The following GRID1 variants were observed in gnomAD, a reference collection of about 807,000 sequenced individuals.
GRID1 encodes the protein glutamate ionotropic receptor delta type subunit 1, also known as glutamate receptor ionotropic, delta-1.
A neutral mutation model predicts 98.0 loss-of-function variants in GRID1; 28 were observed. The ratio of observed to expected loss-of-function variants is 0.29; its 90% CI spans 0.21 to 0.39. The LOEUF is 0.39. GRID1 is among the 10% of genes least tolerant of loss of function. The pLI is 1.00. For synonymous variants in GRID1, 553 were observed against 538.5 expected (o/e 1.03, Z -0.37); for missense variants, 1,111 against 1,340.5 (o/e 0.83, Z 2.67).
intron 13 of GRID1, among the ~76,000 whole-genome samples, chr10:85,621,423 G>A (rs537852609): frequency 1.3e-4 from 20 of 152,218 alleles, no homozygotes; most frequent in African/African-American, 1.7e-4. Flanking sequence ...AAAGAGTGTC[G>A]TAGCTACTTA....
chr10:86,232,147 C>G (rs1371557213), intron 2 of GRID1, among the ~76,000 whole-genome samples: 1 of 152,144 alleles, frequency 6.6e-6, no homozygotes, highest in Non-Finnish European at 1.5e-5. Context: ...TCCCTAAGTG[C>G]AATGAGAATA....
chr10:86,339,974 C>T (rs1021587214), intron 2 of GRID1, among the ~76,000 whole-genome samples: 12 of 152,074 alleles, frequency 7.9e-5, no homozygotes, highest in African/African-American at 2.7e-4. Flanking sequence ...ACCAGGAGGA[C>T]GGGAGGGGCG....
At chr10:85,722,799 T>C (rs566149246) in intron 12 of GRID1, among the ~76,000 whole-genome samples, 2 of 152,338 alleles carry the variant, frequency 1.3e-5, no homozygotes, top group East Asian at 3.9e-4. Flanking sequence ...AAATATTATT[T>C]AATGAATTTA....
Position 85,916,269 on chromosome 10 carries a change from A to G in GRID1, c.727-30T>C, listed in dbSNP as rs2131824515. 1.3e-6 allele frequency: 2 copies of G among 1,563,116 alleles called. No individual in the cohort carries two copies. Among genetic ancestry groups the G allele is most frequent in the South Asian group, 2.2e-5 (2 of 89,940 alleles). Reference sequence around the variant, plus strand: ...AGAGAGAAAAAGAACGAACATGAACAGAAGCAAGACAGAAGCTGGCAGACA... The same window carrying G: ...AGAGAGAAAAAGAACGAACATGAACGGAAGCAAGACAGAAGCTGGCAGACA... On this transcript the variant is annotated intron_variant, in intron 4 of 15. Transcript: ENST00000327946. The surrounding 1 kb of genome is among the most constrained non-coding windows in gnomAD (Gnocchi z 4.0).
chr10:86,164,800 C>T (rs1167880239), intron 3 of GRID1, among the ~76,000 whole-genome samples: 4 of 152,090 alleles, frequency 2.6e-5, no homozygotes, highest in Non-Finnish European at 4.4e-5. Flanking sequence ...CCAATGTAGT[C>T]GGCCCTACAC....
rs1015757908 is a variant in GRID1 at position 85,751,534 on chromosome 10, G to A, written c.1234-21920C>T. Among the ~76,000 whole-genome samples, 8 of 152,064 alleles carry A rather than the reference G, an allele frequency of 5.3e-5. No homozygotes were observed. In the East Asian group the frequency reaches 7.7e-4, roughly 15 times the overall value. Reference sequence around the variant, plus strand: ...TCCCTTGTTCAGTCTGGTCCCTTTCGTCACATGGAAGAGGAAGCCTCAGGA... The same window carrying A: ...TCCCTTGTTCAGTCTGGTCCCTTTCATCACATGGAAGAGGAAGCCTCAGGA... On this transcript the variant is annotated intron_variant, in intron 8 of 15. Coordinates refer to ENST00000327946, the MANE Select transcript of GRID1 (RefSeq NM_017551.3).
At chr10:86,095,881 G>A (rs559624698) in intron 4 of GRID1, among the ~76,000 whole-genome samples, 1 of 152,124 alleles carries the variant, frequency 6.6e-6, no homozygotes, top group African/African-American at 2.4e-5. Flanking sequence ...CAGAAGAAAA[G>A]AAGTCATTAC....
At chr10:86,004,895 A>C (rs1842842977) in intron 4 of GRID1, among the ~76,000 whole-genome samples, 1 of 152,192 alleles carries the variant, frequency 6.6e-6, no homozygotes, top group Non-Finnish European at 1.5e-5. Flanking sequence ...ATCTTGAGAC[A>C]AGAAGGACAA....
intron 4 of GRID1, among the ~76,000 whole-genome samples, chr10:85,990,109 G>T (rs1201575200): frequency 8.5e-5 from 13 of 152,064 alleles, no homozygotes; most frequent in Non-Finnish European, 1.9e-4. Flanking sequence ...CCAAGTCTAT[G>T]GTATTTTTGT....
chr10:86,049,264 A>G (rs1158852327), intron 4 of GRID1, among the ~76,000 whole-genome samples: 3 of 152,140 alleles, frequency 2.0e-5, no homozygotes, highest in Non-Finnish European at 2.9e-5. Context: ...CTCTACTCCT[A>G]CCAACATACT....
At chr10:85,774,148 C>A (rs1249115214) in intron 8 of GRID1, among the ~76,000 whole-genome samples, 4 of 152,168 alleles carry the variant, frequency 2.6e-5, no homozygotes, top group Non-Finnish European at 4.4e-5. Context: ...TGGAACAGAA[C>A]AGAGCCCTCA....
intron 3 of GRID1, among the ~76,000 whole-genome samples, chr10:86,177,813 G>T (rs546266013): frequency 1.3e-5 from 2 of 152,036 alleles, no homozygotes; most frequent in Non-Finnish European, 2.9e-5. Flanking sequence ...AGACTTTAGC[G>T]TATGCACGCG....
intron 8 of GRID1, among the ~76,000 whole-genome samples, chr10:85,821,685 T>C (rs945416275): frequency 6.6e-6 from 1 of 152,060 alleles, no homozygotes; most frequent in African/African-American, 2.4e-5. Context: ...TGCATATATA[T>C]ATGTATATGT....
At chr10:85,956,229 T>G (rs1388778165) in intron 4 of GRID1, among the ~76,000 whole-genome samples, 2 of 152,226 alleles carry the variant, frequency 1.3e-5, no homozygotes, top group Non-Finnish European at 2.9e-5. Flanking sequence ...TCAAACGGTT[T>G]GCACCTGCTG....
chr10:85,879,541 A>C (rs1589285283), intron 5 of GRID1, among the ~76,000 whole-genome samples: 1 of 152,338 alleles, frequency 6.6e-6, no homozygotes, highest in African/African-American at 2.4e-5. Flanking sequence ...TAATGAAAGG[A>C]AGGCAGAAAT....
At chr10:85,983,648 G>A (rs1842572975) in intron 4 of GRID1, among the ~76,000 whole-genome samples, 2 of 152,106 alleles carry the variant, frequency 1.3e-5, no homozygotes, top group African/African-American at 4.8e-5. Context: ...CCTGGGCCAG[G>A]GTGTCACATC....
intron 4 of GRID1, among the ~76,000 whole-genome samples, chr10:86,126,951 C>T (rs758985491): frequency 4.6e-5 from 7 of 152,358 alleles, no homozygotes; most frequent in Non-Finnish European, 8.8e-5. Flanking sequence ...GGATTTATGA[C>T]CTGGCTGTCA....
intron 2 of GRID1, among the ~76,000 whole-genome samples, chr10:86,291,329 A>T (rs1432753642): frequency 6.6e-6 from 1 of 152,138 alleles, no homozygotes; most frequent in African/African-American, 2.4e-5. Context: ...CTGGCCCTAG[A>T]CTTTGGCCCA....
chr10:85,979,772 T>A (rs539765485), intron 4 of GRID1, among the ~76,000 whole-genome samples: 18 of 152,290 alleles, frequency 1.2e-4, no homozygotes, highest in African/African-American at 4.1e-4. Context: ...AGCACTGCTG[T>A]CCTTGGTGGA....
Sources: gnomAD v4.1 joint callset for allele counts (sites outside exome capture counted in the v4.1 genomes callset) on GRCh38, gnomAD v4.1.1 for gene constraint, Gnocchi (gnomAD v3.1) non-coding constraint, MANE v1.5 for transcripts, NCBI Gene and HGNC (gene_info 2026-07-23, HGNC 2026-07-21) for gene names.